PRMT8: variants seen among roughly 807,000 people sequenced by gnomAD.
PRMT8 encodes the protein protein arginine N-methyltransferase 8.
A neutral mutation model predicts 47.1 loss-of-function variants in PRMT8; 7 were observed. The observed-to-expected ratio is 0.15, with a 90% confidence interval of 0.08 to 0.28. PRMT8 has a LOEUF of 0.28. PRMT8 is among the 10% of genes least tolerant of loss of function. The pLI is 1.00. For missense variants in PRMT8, 237 were observed against 505.4 expected (o/e 0.47, Z 5.09); for synonymous variants, 188 against 186.5 (o/e 1.01, Z -0.07).
At chr12:3,390,488 G>C (rs75210722) in intron 1 of PRMT8, among the ~76,000 whole-genome samples, 1,663 of 152,244 alleles carry the variant, frequency 0.011, 41 homozygotes, top group African/African-American at 0.038. Context: ...TGTGACAATT[G>C]AATGACATTT....
At chr12:3,511,749 T>A (rs939273705) in intron 1 of PRMT8, among the ~76,000 whole-genome samples, 1 of 152,190 alleles carries the variant, frequency 6.6e-6, no homozygotes, top group South Asian at 2.1e-4. Flanking sequence ...ACTGGGCAGT[T>A]GATGCATAAC....
chr12:3,496,227 T>A (rs1472736997), intron 1 of PRMT8, among the ~76,000 whole-genome samples: 2,482 of 125,140 alleles, frequency 0.02, 258 homozygotes, highest in African/African-American at 0.071. Flanking sequence ...TTTTTTTTTT[T>A]TTTTTTTTTT....
intron 1 of PRMT8, among the ~76,000 whole-genome samples, chr12:3,394,475 GTTT>G (rs1393058772): frequency 1.3e-5 from 2 of 151,930 alleles, no homozygotes; most frequent in Non-Finnish European, 2.9e-5. Flanking sequence ...TAATCATGTG[GTTT>G]TTGTCTTTGG....
At chr12:3,433,884 G>A (rs1329335535) in intron 1 of PRMT8, among the ~76,000 whole-genome samples, 11 of 152,214 alleles carry the variant, frequency 7.2e-5, no homozygotes, top group East Asian at 3.9e-4. Flanking sequence ...GATTACAGGC[G>A]TGAGCCACCA....
chr12:3,527,275 T>C (rs1865961611), intron 1 of PRMT8, among the ~76,000 whole-genome samples: 1 of 152,062 alleles, frequency 6.6e-6, no homozygotes, highest in African/African-American at 2.4e-5. Flanking sequence ...CACTGAACCA[T>C]ATATGTACTA....
intron 8 of PRMT8, among the ~76,000 whole-genome samples, chr12:3,591,027 C>T (rs1202268373): frequency 6.6e-6 from 1 of 151,932 alleles, no homozygotes; most frequent in African/African-American, 2.4e-5. Flanking sequence ...CCAGGTTTTG[C>T]GGGTCAGGCA....
intron 1 of PRMT8, among the ~76,000 whole-genome samples, chr12:3,439,977 C>T (rs1418443007): frequency 6.6e-6 from 1 of 152,104 alleles, no homozygotes; most frequent in Non-Finnish European, 1.5e-5. Context: ...GGTGTTAGGA[C>T]CTCGGGCTCC....
intron 1 of PRMT8, among the ~76,000 whole-genome samples, chr12:3,522,320 C>T (rs1054177939): frequency 1.3e-5 from 2 of 152,250 alleles, no homozygotes; most frequent in South Asian, 4.1e-4. Context: ...CTCTGAAGTT[C>T]ACAGTTCACC....
Position 3,540,625 on chromosome 12 carries a change from A to AC in PRMT8, c.95_96insC (p.Gln32HisfsTer10). The AC allele has an allele frequency of 2.9e-6, 1 of 346,856 alleles. No homozygotes were observed. The highest frequency in any genetic ancestry group is 4.9e-6 in the Non-Finnish European group (1 of 204,124). 21.5% of individuals were successfully genotyped at this position (346,856 alleles called of 1,614,324 possible). A position where few individuals can be genotyped will look rare whatever the true frequency, so the allele number is the denominator to read the frequency against. On this transcript the variant is annotated frameshift_variant, in exon 2 of 10. Transcript: ENST00000382622. LOFTEE classifies it high-confidence loss of function. ...CCTCAGGTGAACAGCCCCCCCTCCCAGCCCCCCCAGCCCGTCGTCCCTGCT... is the reference window on the plus strand; with the variant it reads ...CCTCAGGTGAACAGCCCCCCCTCCCACGCCCCCCCAGCCCGTCGTCCCTGCT...
chr12:3,488,630 T>C (rs1197405571), upstream of PRMT8, among the ~76,000 whole-genome samples: 1 of 152,244 alleles, frequency 6.6e-6, no homozygotes, highest in Non-Finnish European at 1.5e-5. Flanking sequence ...TTAAGGCTAG[T>C]GCCTATTAAT....
rs1866388727 is a variant in PRMT8, at chr12:3,549,999, G to A, written c.325G>A (p.Val109Met). ...GAACTCCATGTACCACAACAAGCAC[G>A]TGTTCAAGGACAAAGTGGTACTGGA... ...YRNSMYHNKHVFKDKVVLDVG... is the reference protein window; with the variant it reads ...YRNSMYHNKHMFKDKVVLDVG... The change falls in exon 3 of 10, where the codon GTG becomes ATG. Residue 109 changes from valine to methionine, a missense_variant. Val to Met is a conservative substitution (Grantham distance 21, BLOSUM62 1). Around this residue, in one of 5 missense-constraint regions of PRMT8, gnomAD observed 32 missense variants for 73.7 expected, o/e 0.43. Transcript: ENST00000382622. 1.2e-6 allele frequency: 2 copies of A among 1,614,222 alleles called. No individual in the cohort carries two copies. The highest frequency in any genetic ancestry group is 2.2e-5 in the East Asian group (1 of 44,886).
chr12:3,540,882 C>T, intron 2 of PRMT8, 91 bp downstream of exon 2: 1 of 1,385,294 alleles, frequency 7.2e-7, no homozygotes, highest in Non-Finnish European at 1.0e-6. Flanking sequence ...CAACTCCTTA[C>T]CATGGTAAAG....
chr12:3,524,893 TG>T (rs1172759324), intron 1 of PRMT8, among the ~76,000 whole-genome samples: 2 of 152,200 alleles, frequency 1.3e-5, no homozygotes, highest in African/African-American at 4.8e-5. Flanking sequence ...TGGGTTTAAA[TG>T]GGTAAGTTTG....
intron 1 of PRMT8, among the ~76,000 whole-genome samples, chr12:3,534,430 C>T (rs541592682): frequency 6.6e-6 from 1 of 152,272 alleles, no homozygotes; most frequent in African/African-American, 2.4e-5. Context: ...CACCTTCACT[C>T]TCCTTCCTTA....
intron 4 of PRMT8, among the ~76,000 whole-genome samples, chr12:3,562,059 C>T (rs1866645947): frequency 6.6e-6 from 1 of 152,196 alleles, no homozygotes; most frequent in South Asian, 2.1e-4. Flanking sequence ...CTTCTATCTC[C>T]TGGAGAGCCG....
chr12:3,530,620 G>A (rs1015519134), intron 1 of PRMT8, among the ~76,000 whole-genome samples: 1 of 152,158 alleles, frequency 6.6e-6, no homozygotes, highest in African/African-American at 2.4e-5. Flanking sequence ...TGCCCAGAAA[G>A]CTCAGAGGAC....
At chr12:3,469,202 G>A (rs1377973939) in intron 1 of PRMT8, 3 of 480,792 alleles carry the variant, frequency 6.2e-6, no homozygotes, top group Non-Finnish European at 1.2e-5. Context: ...AAAGTAGTCA[G>A]GAACAGATCT....
intron 1 of PRMT8, among the ~76,000 whole-genome samples, chr12:3,397,698 A>G (rs1229436076): frequency 2.6e-5 from 4 of 152,224 alleles, no homozygotes; most frequent in South Asian, 2.1e-4. Context: ...GGTGGAGCCT[A>G]CAGAGGCAGG....
At chr12:3,540,584 G>A (rs561731650) in intron 1 of PRMT8, 22 bp from the exon 2 acceptor site, 3 of 1,508,746 alleles carry the variant, frequency 2.0e-6, no homozygotes, top group African/African-American at 1.4e-5. Flanking sequence ...CCTAACACCC[G>A]ACCCCCTTCT....
Sources: gnomAD v4.1 joint callset for allele counts (sites outside exome capture counted in the v4.1 genomes callset) on GRCh38, gnomAD v4.1.1 for gene constraint, gnomAD v4.1.1 regional missense constraint, MANE v1.5 for transcripts, NCBI Gene and HGNC (gene_info 2026-07-23, HGNC 2026-07-21) for gene names.